LZTFL1: variants seen among roughly 807,000 people sequenced by gnomAD.
LZTFL1 encodes leucine zipper transcription factor like 1.
A neutral mutation model predicts 45.9 loss-of-function variants in LZTFL1; 25 were observed. The ratio of observed to expected loss-of-function variants is 0.54; its 90% CI spans 0.40 to 0.76. LZTFL1 has a LOEUF of 0.76. LZTFL1 is among the 30% of genes least tolerant of loss of function. The pLI, the probability that LZTFL1 is intolerant of heterozygous loss-of-function variation, is 0.00. For synonymous variants in LZTFL1, 93 were observed against 117.4 expected, an observed-to-expected ratio of 0.79 and a Z score of 1.35; for missense variants, 277 against 331.1, an observed-to-expected ratio of 0.84 and a Z score of 1.27.
At chr3:45,835,426 A>G in intron 3 of LZTFL1, 164 bp downstream of exon 3, 1 of 609,220 alleles carries the variant, frequency 1.6e-6, no homozygotes, top group Non-Finnish European at 2.9e-6. Context: ...AAGGGTGCTT[A>G]GTGGTACCCA....
chr3:45,827,703 C>G (rs1700704734), intron 8 of LZTFL1, among the ~76,000 whole-genome samples: 1 of 152,104 alleles, frequency 6.6e-6, no homozygotes, highest in Non-Finnish European at 1.5e-5. Flanking sequence ...GTAAATAACT[C>G]AAGCCCTGGA....
At chr3:45,857,526 A>G (rs1701413009) in intron 3 of LZTFL1, among the ~76,000 whole-genome samples, 1 of 152,376 alleles carries the variant, frequency 6.6e-6, no homozygotes, top group South Asian at 2.1e-4. Context: ...AATTAAATTT[A>G]AAAATAAAAA....
intron 4 of LZTFL1, among the ~76,000 whole-genome samples, chr3:45,850,935 C>T (rs1479392977): frequency 6.6e-6 from 1 of 152,142 alleles, no homozygotes. Context: ...GGGATTTCTG[C>T]AGGTGACCTG....
intron 2 of LZTFL1, 29 bp from the exon 3 acceptor site, chr3:45,835,813 T>A (rs746736194): frequency 6.6e-7 from 1 of 1,522,394 alleles, no homozygotes; most frequent in South Asian, 1.2e-5. Flanking sequence ...CCAAAACTTA[T>A]AGAAAAACAA....
At chr3:45,882,797 CTATTATTATTATTAT>C (rs10575190) in intron 2 of LZTFL1, among the ~76,000 whole-genome samples, 1,638 of 145,458 alleles carry the variant, frequency 0.011, 25 homozygotes, top group African/African-American at 0.035. Flanking sequence ...AAAGGGGATA[CTATTATTATTATTAT>C]TATTATTATT....
intron 8 of LZTFL1, 46 bp from the exon 9 acceptor site, chr3:45,827,505 G>A: frequency 8.6e-7 from 1 of 1,161,314 alleles, no homozygotes; most frequent in Non-Finnish European, 1.3e-6. Flanking sequence ...AATAGTTAAG[G>A]AAAGAGATAA....
intron 2 of LZTFL1, among the ~76,000 whole-genome samples, chr3:45,870,171 A>C (rs907739040): frequency 6.6e-6 from 1 of 152,196 alleles, no homozygotes; most frequent in Non-Finnish European, 1.5e-5. Context: ...AGCATGTTAC[A>C]AGGGTGCTCA....
chr3:45,872,161 G>A (rs1701680575), intron 2 of LZTFL1, among the ~76,000 whole-genome samples: 2 of 152,126 alleles, frequency 1.3e-5, no homozygotes, highest in African/African-American at 2.4e-5. Flanking sequence ...AGAAAATTAG[G>A]TGTAAGAATG....
chr3:45,886,128 A>C (rs1447330618), intron 2 of LZTFL1, among the ~76,000 whole-genome samples: 1 of 152,200 alleles, frequency 6.6e-6, no homozygotes, highest in Non-Finnish European at 1.5e-5. Flanking sequence ...AGGCCAGAAA[A>C]GGTATGTTGC....
upstream of LZTFL1, among the ~76,000 whole-genome samples, chr3:45,844,468 T>A (rs1198204949): frequency 6.6e-6 from 1 of 151,190 alleles, no homozygotes; most frequent in African/African-American, 2.4e-5. Context: ...AAAAAATAGG[T>A]GATACACAGA....
intron 2 of LZTFL1, chr3:45,897,527 T>C (rs923155423): frequency 2.8e-6 from 4 of 1,444,306 alleles, no homozygotes; most frequent in Non-Finnish European, 3.8e-6. Flanking sequence ...GGTCCTGGGA[T>C]TTCTGCACAA....
intron 2 of LZTFL1, chr3:45,883,782 A>G (rs1386683041): frequency 3.6e-6 from 2 of 560,756 alleles, no homozygotes; most frequent in Non-Finnish European, 6.6e-6. Flanking sequence ...ACAGTCAGGA[A>G]CAACTTGTCC....
At chr3:45,835,960 T>G (rs1700956545) in intron 2 of LZTFL1, among the ~76,000 whole-genome samples, 176 bp from the exon 3 acceptor site, 1 of 152,240 alleles carries the variant, frequency 6.6e-6, no homozygotes, top group Non-Finnish European at 1.5e-5. Context: ...TAAACTCAAT[T>G]AATTTTTGAC....
At position 45,838,106 on chromosome 3, in the gene LZTFL1, C is replaced by T. The variant is rs1426900813; in HGVS notation, c.4-55G>A. 2.0e-6 allele frequency: 3 copies of T among 1,528,262 alleles called. No individual in the cohort carries two copies. The African/African-American group carries it at 4.2e-5, about 21-fold the overall frequency. The allele number at this position is 1,528,262 out of a possible 1,614,324, so 94.7% of individuals were successfully genotyped here. On this transcript the variant is annotated intron_variant, in intron 1 of 9. Transcript: ENST00000296135. ...AGTTTTGAAGATCTGATCAAAGAGC[C>T]AACAATGAAAATGCATAAGATATCC...
chr3:45,832,992 C>T, intron 5 of LZTFL1, 58 bp downstream of exon 5: 1 of 1,293,382 alleles, frequency 7.7e-7, no homozygotes. Flanking sequence ...GTTTCTCCAC[C>T]CTAGGCAATG....
rs143921037 is a variant in LZTFL1 at position 45,865,747 on chromosome 3, A to G, written c.-214-6731T>C. On this transcript the variant is annotated intron_variant, in intron 2 of 4. Transcript: ENST00000472635. ...TGAAAACAGTTTGGCAGTTCCTCAA[A>G]AAGTTAAACATAGAGTTATCATATG... is the stretch of plus-strand genomic sequence containing the variant. Among the ~76,000 whole-genome samples, 4 of 152,370 alleles carry G rather than the reference A, an allele frequency of 2.6e-5. 1 individual carries two copies. In the East Asian group the frequency reaches 7.7e-4, roughly 29 times the overall value.
chr3:45,891,809 C>G (rs1472961274), intron 2 of LZTFL1, among the ~76,000 whole-genome samples: 1 of 152,106 alleles, frequency 6.6e-6, no homozygotes, highest in African/African-American at 2.4e-5. Flanking sequence ...CTCACTTGAC[C>G]TTGATATTTG....
At chr3:45,858,302 C>A (rs962579536) in intron 3 of LZTFL1, among the ~76,000 whole-genome samples, 1 of 152,152 alleles carries the variant, frequency 6.6e-6, no homozygotes, top group African/African-American at 2.4e-5. Context: ...AAAAATTCCA[C>A]AAGGCTTATA....
At chr3:45,846,472 T>C (rs1701218915), upstream of LZTFL1, among the ~76,000 whole-genome samples, 1 of 152,172 alleles carries the variant, frequency 6.6e-6, no homozygotes, top group Non-Finnish European at 1.5e-5. Context: ...CCATGCACAG[T>C]CAAAAATCCA....
Sources: allele counts gnomAD v4.1 joint callset (sites outside exome capture counted in the v4.1 genomes callset), GRCh38; gene constraint gnomAD v4.1.1; transcripts MANE v1.5; gene names NCBI Gene and HGNC (gene_info 2026-07-23, HGNC 2026-07-21).